The following CAD variants were observed in gnomAD, a reference collection of about 807,000 sequenced individuals.
CAD encodes the protein carbamoyl-phosphate synthetase 2, aspartate transcarbamylase, and dihydroorotase.
Under a neutral mutation model 237.2 loss-of-function variants are expected in CAD, and 81 were observed. The ratio of observed to expected loss-of-function variants is 0.34; its 90% CI spans 0.29 to 0.41. CAD has a LOEUF of 0.41. CAD is among the 10% of genes least tolerant of loss of function. The pLI, the probability that CAD is intolerant of heterozygous loss-of-function variation, is 1.00. For synonymous variants in CAD, 1,196 were observed against 1,162.8 expected (o/e 1.03, Z -0.58); for missense variants, 2,181 against 2,951.7 (o/e 0.74, Z 6.05).
chr2:27,226,103 G>A (rs1558531794), intron 12 of CAD, 28 bp from the exon 13 acceptor site: 1 of 1,607,942 alleles, frequency 6.2e-7, no homozygotes. Context: ...CTGCTTGGCA[G>A]TGACCTCCAT....
In CAD at chr2:27,242,185, C is replaced by T. The variant is rs1253587046; in HGVS notation, c.6096+62C>T. On this transcript the variant is annotated intron_variant, in intron 39 of 43. Coordinates refer to ENST00000264705, the MANE Select transcript of CAD (RefSeq NM_004341.5). The surrounding 1 kb of genome is among the most constrained non-coding windows in gnomAD (Gnocchi z 6.4). The stretch of plus-strand genomic sequence containing the variant: ...GGCTGGACCCAGGGGCATGAGAACC[C>T]TTCTGCCCACGTTTTCTGTGTTTTG... 1.9e-6 allele frequency: 3 copies of T among 1,592,614 alleles called. No homozygotes were observed. The highest frequency in any genetic ancestry group is 3.4e-5 in the Admixed American group (2 of 59,242).
In CAD at chr2:27,217,422, G is replaced by T. The variant is rs1290620187; in HGVS notation, c.-130G>T. ...CGAGGCTCCTACGCTGCCGCGCCCG[G>T]CTTCTCTCCAGCGCCCCGCGCCGTT... On this transcript the variant is annotated 5_prime_UTR_variant, in exon 1 of 44. Coordinates refer to ENST00000264705, the MANE Select transcript of CAD (RefSeq NM_004341.5). 2.5e-6 allele frequency: 2 copies of T among 808,362 alleles called. No individual in the cohort carries two copies. Among genetic ancestry groups the T allele is most frequent in the Non-Finnish European group, 4.2e-6 (2 of 481,732 alleles). 50.1% of individuals were successfully genotyped at this position (808,362 alleles called of 1,614,324 possible). A position where few individuals can be genotyped will look rare whatever the true frequency, so the allele number is the denominator to read the frequency against.
At chr2:27,230,574 C>T (rs917945582) in intron 15 of CAD, among the ~76,000 whole-genome samples, 2 of 151,574 alleles carry the variant, frequency 1.3e-5, no homozygotes, top group Non-Finnish European at 2.9e-5. Flanking sequence ...TGCAGTGAGT[C>T]GAGACCGTGC....
intron 15 of CAD, among the ~76,000 whole-genome samples, chr2:27,228,532 T>C (rs770102724): frequency 2.6e-5 from 4 of 152,216 alleles, no homozygotes; most frequent in Non-Finnish European, 5.9e-5. Context: ...AAGGTTGCAG[T>C]GAGCTGTGAT....
rs752735378 is a variant in CAD at position 27,226,513 on chromosome 2, CCTT to C, written c.2032-8_2032-6del. On this transcript the variant is annotated splice_polypyrimidine_tract_variant and intron_variant, in intron 13 of 43. Coordinates refer to ENST00000264705, the MANE Select transcript of CAD (RefSeq NM_004341.5). ...TCTTCTAGGCCAGTGACTTTATTCT[CCTT>C]CTTTGCAGTATTACATCATTGAAGT... is the stretch of plus-strand genomic sequence containing the variant. 134 of 1,613,884 alleles carry C rather than the reference CCTT, an allele frequency of 8.3e-5. 5 individuals are homozygous for C. In the Middle Eastern group the frequency reaches 9.2e-3, roughly 111 times the overall value.
Position 27,233,468 on chromosome 2 carries a change from A to G in CAD, c.3148A>G (p.Lys1050Glu). 6.2e-7 allele frequency: 1 copy of G among 1,614,224 alleles called. No homozygotes were observed. The highest frequency in any genetic ancestry group is 8.5e-7 in the Non-Finnish European group (1 of 1,180,048). Residue 1050 changes from lysine (K) to glutamate (E), a missense_variant, in exon 20 of 44, where the codon AAG becomes GAG. Physicochemically the swap from Lys to Glu is moderately conservative, Grantham distance 56 (BLOSUM62 1). This residue lies in a region of CAD where 306 missense variants were observed against 607.9 expected (regional missense o/e 0.50). Transcript: ENST00000264705. The surrounding 1 kb of genome is among the most constrained non-coding windows in gnomAD (Gnocchi z 6.3). ...EAIDSAENRF[K>E]FSRLLDTIGI... is the part of the protein sequence containing the mutation. The stretch of plus-strand genomic sequence containing the variant: ...CATTGACTCGGCTGAGAACCGTTTC[A>G]AGTTTTCCCGGCTCCTTGACACCAT...
Position 27,236,748 on chromosome 2 carries a change from G to A in CAD, c.4315-1G>A, listed in dbSNP as rs1291590169. On this transcript the variant is annotated splice_acceptor_variant, in intron 26 of 43. Transcript: ENST00000264705. LOFTEE classifies it high-confidence loss of function. This position sits in a 1 kb window ranked among gnomAD's most constrained non-coding sequence, Gnocchi z 4.1. ...TAAAGCTGACTGCTTTCCACTTGCA[G>A]GCCCTAGGCCAGATCGGGCCAGCCC... The A allele has an allele frequency of 6.2e-7, 1 of 1,613,964 alleles. No homozygotes were observed. Among genetic ancestry groups the A allele is most frequent in the African/African-American group, 1.3e-5 (1 of 74,914 alleles).
In CAD at chr2:27,242,283, A is replaced by T. The variant is rs1464048444; in HGVS notation, c.6097-19A>T. ...GGGCCTCTGAGCTGCAAAAGACAGG[A>T]TTTTCCCCTTTTTTCCAGCTGGCCG... On this transcript the variant is annotated intron_variant, in intron 39 of 43. Transcript: ENST00000264705. This position sits in a 1 kb window ranked among gnomAD's most constrained non-coding sequence, Gnocchi z 6.4. 5.0e-6 allele frequency: 8 copies of T among 1,602,660 alleles called. No individual in the cohort carries two copies. The highest frequency in any genetic ancestry group is 6.8e-6 in the Non-Finnish European group (8 of 1,172,186).
rs375024545 is a variant in CAD at position 27,237,802 on chromosome 2, G to A, written c.4648G>A (p.Gly1550Arg). Residue 1550 changes from glycine to arginine, a missense_variant, in exon 29 of 44, where the codon GGG becomes AGG. Gly to Arg is a moderately radical substitution (Grantham distance 125). Coordinates refer to ENST00000264705, the MANE Select transcript of CAD (RefSeq NM_004341.5). The surrounding 1 kb of genome is among the most constrained non-coding windows in gnomAD (Gnocchi z 4.0). ...TGCAGGAACCTTGGGCACCGTGGCC[G>A]GGTCTGCAGCCGGGCTGAAGCTTTA... ...ENAGTLGTVAGSAAGLKLYLN... is the reference protein window; with the variant it reads ...ENAGTLGTVARSAAGLKLYLN... 6.2e-6 allele frequency: 10 copies of A among 1,614,104 alleles called. No individual in the cohort carries two copies. The highest frequency in any genetic ancestry group is 3.3e-5 in the Admixed American group (2 of 60,010).
In CAD at chr2:27,217,486, G is replaced by GT. The variant is rs1674919505; in HGVS notation, c.-64dup. On this transcript the variant is annotated 5_prime_UTR_variant, in exon 1 of 44. Coordinates refer to ENST00000264705, the MANE Select transcript of CAD (RefSeq NM_004341.5). ...GACTCCGGCGCGCCGTCCTCACGTG[G>GT]TTCCAGTGGAGTTTGCAGTCCTTCC... 3 of 1,360,122 alleles carry GT rather than the reference G, an allele frequency of 2.2e-6. No homozygotes were observed. Among genetic ancestry groups the GT allele is most frequent in the Non-Finnish European group, 3.1e-6 (3 of 972,008 alleles). The allele number at this position is 1,360,122 out of a possible 1,614,324, so 84.3% of individuals were successfully genotyped here. A position where few individuals can be genotyped will look rare whatever the true frequency, so the allele number is the denominator to read the frequency against.
chr2:27,239,972 G>T lies in CAD; in HGVS notation c.5496+174G>T. 1 of 599,460 alleles carries T rather than the reference G, an allele frequency of 1.7e-6. No individual in the cohort carries two copies. The highest frequency in any genetic ancestry group is 2.9e-6 in the Non-Finnish European group (1 of 350,170). 37.1% of individuals were successfully genotyped at this position (599,460 alleles called of 1,614,324 possible). A position where few individuals can be genotyped will look rare whatever the true frequency, so the allele number is the denominator to read the frequency against. On this transcript the variant is annotated intron_variant, in intron 34 of 43. Coordinates refer to ENST00000264705, the MANE Select transcript of CAD (RefSeq NM_004341.5). The surrounding 1 kb of genome is among the most constrained non-coding windows in gnomAD (Gnocchi z 4.0). ...AATGCTGGGCCAGGCCAGATGTGGTGGCTCACACTTGTAATCCCAGCACTT... is the reference window on the plus strand; with the variant it reads ...AATGCTGGGCCAGGCCAGATGTGGTTGCTCACACTTGTAATCCCAGCACTT...
chr2:27,236,604 C>T lies in CAD; in HGVS notation c.4314+81C>T, dbSNP rs1676015021. The T allele has an allele frequency of 1.3e-6, 2 of 1,578,434 alleles. No homozygotes were observed. The highest frequency in any genetic ancestry group is 1.7e-5 in the Admixed American group (1 of 59,554). On this transcript the variant is annotated intron_variant, in intron 26 of 43. Coordinates refer to ENST00000264705, the MANE Select transcript of CAD (RefSeq NM_004341.5). This position sits in a 1 kb window ranked among gnomAD's most constrained non-coding sequence, Gnocchi z 4.1. ...AGAGGGAGGAGTGAGTATGGAACAG[C>T]CATGCTAGTAATAAAGCTTTGTGGC...
At position 27,233,588 on chromosome 2, in the gene CAD, AGT is replaced by A. The variant is rs775077521; in HGVS notation, c.3217-34_3217-33del. On this transcript the variant is annotated intron_variant, in intron 20 of 43. Coordinates refer to ENST00000264705, the MANE Select transcript of CAD (RefSeq NM_004341.5). This position sits in a 1 kb window ranked among gnomAD's most constrained non-coding sequence, Gnocchi z 6.3. The stretch of plus-strand genomic sequence containing the variant: ...GGAGGCTGGATGATGCTTGGGGGAA[AGT>A]GTGAACAACTCAGCTAAGCTCCCTG... The A allele has an allele frequency of 3.1e-6, 5 of 1,613,810 alleles. No homozygotes were observed. The highest frequency in any genetic ancestry group is 1.3e-5 in the African/African-American group (1 of 75,042).
At position 27,237,590 on chromosome 2, in the gene CAD, T is replaced by TA. The variant is rs781603047; in HGVS notation, c.4563+46dup. 1 of 1,593,316 alleles carries TA rather than the reference T, an allele frequency of 6.3e-7. No homozygotes were observed. The highest frequency in any genetic ancestry group is 8.6e-7 in the Non-Finnish European group (1 of 1,166,928). On this transcript the variant is annotated intron_variant, in intron 28 of 43. Transcript: ENST00000264705. The surrounding 1 kb of genome is among the most constrained non-coding windows in gnomAD (Gnocchi z 4.0). ...CTGGTATTGGAGACCCATATGCCCC[T>TA]ACCAGCCACCCTTGCTTCCCTGAGC...
At position 27,235,295 on chromosome 2, in the gene CAD, T is replaced by C; in HGVS notation, c.3837T>C (p.Gly1279=). Residue 1279 remains glycine, a synonymous_variant, in exon 24 of 44, where the codon GGT becomes GGC. Coordinates refer to ENST00000264705, the MANE Select transcript of CAD (RefSeq NM_004341.5). The surrounding 1 kb of genome is among the most constrained non-coding windows in gnomAD (Gnocchi z 5.2). ...SRLAGADVVL[G]VEMTSTGEVA... ...TGGCGGGTGCTGACGTGGTGTTGGGTGTGGAAATGACCAGTACTGGGGAGG... is the reference window on the plus strand; with the variant it reads ...TGGCGGGTGCTGACGTGGTGTTGGGCGTGGAAATGACCAGTACTGGGGAGG... 2 of 1,613,540 alleles carry C rather than the reference T, an allele frequency of 1.2e-6. No individual in the cohort carries two copies. Among genetic ancestry groups the C allele is most frequent in the Non-Finnish European group, 1.7e-6 (2 of 1,179,826 alleles).
rs138694992 is a variant in CAD at position 27,243,511 on chromosome 2, G to A, written c.6671G>A (p.Arg2224His). The change falls in exon 44 of 44, where the codon CGT becomes CAT. Residue 2224 changes from arginine (R) to histidine (H), a missense_variant. Arg to His is a conservative substitution (Grantham distance 29). Around this residue, in one of 12 missense-constraint regions of CAD, gnomAD observed 170 missense variants for 212.1 expected, o/e 0.80. Coordinates refer to ENST00000264705, the MANE Select transcript of CAD (RefSeq NM_004341.5). The part of the protein sequence containing the change: ...RMALLATVLG[R>H]F ...GCTCTGTTAGCCACCGTGCTGGGCC[G>A]TTTCTAGGGCCTGGCTTCCTCAGCC... 11 of 1,590,136 alleles carry A rather than the reference G, an allele frequency of 6.9e-6. No homozygotes were observed. Among genetic ancestry groups the A allele is most frequent in the South Asian group, 2.3e-5 (2 of 87,586 alleles).
rs750160288 is a variant in CAD at position 27,236,243 on chromosome 2, TGCCA to T, written c.4075-39_4075-36del. 8.1e-6 allele frequency: 13 copies of T among 1,605,488 alleles called. No homozygotes were observed. The African/African-American group carries it at 1.6e-4, about 20-fold the overall frequency. ...CCTTAAGGCTAGCCTTCCTGACCGC[TGCCA>T]GACAGCTTGGCCCTGACCTTGACTC... is the stretch of plus-strand genomic sequence containing the variant. On this transcript the variant is annotated intron_variant, in intron 25 of 43. Coordinates refer to ENST00000264705, the MANE Select transcript of CAD (RefSeq NM_004341.5). This position sits in a 1 kb window ranked among gnomAD's most constrained non-coding sequence, Gnocchi z 4.1.
In CAD at chr2:27,233,745, C is replaced by T. The variant is rs781151729; in HGVS notation, c.3336C>T (p.Ser1112=). The change falls in exon 21 of 44, where the codon AGC becomes AGT. Residue 1112 remains serine, a synonymous_variant. Coordinates refer to ENST00000264705, the MANE Select transcript of CAD (RefSeq NM_004341.5). The surrounding 1 kb of genome is among the most constrained non-coding windows in gnomAD (Gnocchi z 6.3). ...ATGGAGACCTGGAGCGCTTCCTGAG[C>T]AGCGCAGCAGCCGTCTCCAAAGAGC... is the stretch of plus-strand genomic sequence containing the variant. The part of the protein sequence containing the change: ...YTDGDLERFL[S]SAAAVSKEHP... 2.5e-6 allele frequency: 4 copies of T among 1,613,990 alleles called. No individual in the cohort carries two copies. In the African/African-American group the frequency reaches 5.3e-5, roughly 22 times the overall value.
rs1341986595 is a variant in CAD, at chr2:27,232,536, G to T, written c.2734G>T (p.Ala912Ser). Residue 912 changes from alanine to serine, a missense_variant, in exon 18 of 44, where the codon GCC becomes TCC. Ala to Ser is a moderately conservative substitution (Grantham distance 99). Transcript: ENST00000264705. The surrounding 1 kb of genome is among the most constrained non-coding windows in gnomAD (Gnocchi z 4.1). Reference sequence around the variant, plus strand: ...TGACACAGTTGCAGCTGAGTGGCCAGCCCAGACAAATTACCTATACCTAAC... The same window carrying T: ...TGACACAGTTGCAGCTGAGTGGCCATCCCAGACAAATTACCTATACCTAAC... ...QIDTVAAEWP[A>S]QTNYLYLTYW... 1 of 1,614,212 alleles carries T rather than the reference G, an allele frequency of 6.2e-7. No homozygotes were observed. The highest frequency in any genetic ancestry group is 1.1e-5 in the South Asian group (1 of 91,086).
Sources: allele counts gnomAD v4.1 joint callset (sites outside exome capture counted in the v4.1 genomes callset), GRCh38; gene constraint gnomAD v4.1.1; regional missense constraint gnomAD v4.1.1; non-coding constraint Gnocchi (gnomAD v3.1); transcripts MANE v1.5; gene names NCBI Gene and HGNC (gene_info 2026-07-23, HGNC 2026-07-21).